Variants in SPATA18 observed in about 807,000 individuals in gnomAD.
The protein encoded by SPATA18 is mitochondria-eating protein.
Under a neutral mutation model 68.1 loss-of-function variants are expected in SPATA18, and 54 were observed. The observed-to-expected ratio is 0.79, with a 90% CI of 0.64 to 0.99. The LOEUF is 0.99. SPATA18 is among the 50% of genes least tolerant of loss of function. The pLI, the probability that SPATA18 is intolerant of heterozygous loss-of-function variation, is 0.00. For missense variants in SPATA18, 724 were observed against 681.1 expected (o/e 1.06, Z -0.70); for synonymous variants, 242 against 244.8 (o/e 0.99, Z 0.11).
chr4:52,083,633 T>C (rs1741142850), intron 10 of SPATA18: 2 of 275,876 alleles, frequency 7.2e-6, no homozygotes, highest in Admixed American at 6.5e-5. Flanking sequence ...TAGTACCAGC[T>C]ACTTGGGAGG....
intron 5 of SPATA18, among the ~76,000 whole-genome samples, chr4:52,070,595 T>C (rs975690451): frequency 2.0e-5 from 3 of 151,956 alleles, no homozygotes; most frequent in Admixed American, 2.0e-4. Flanking sequence ...AATGACGAGT[T>C]AATGGGTGCA....
At chr4:52,058,342 T>C (rs1738532606) in intron 1 of SPATA18, among the ~76,000 whole-genome samples, 1 of 151,998 alleles carries the variant, frequency 6.6e-6, no homozygotes, top group African/African-American at 2.4e-5. Flanking sequence ...AAAAAATGGC[T>C]GCAGGAGAAA....
intron 6 of SPATA18, among the ~76,000 whole-genome samples, chr4:52,073,534 G>A (rs375691149): frequency 5.3e-5 from 8 of 152,288 alleles, no homozygotes; most frequent in East Asian, 3.9e-4. Flanking sequence ...TACTTGGGAG[G>A]TTGTGGTGGG....
chr4:52,093,979 G>T (rs966184902), intron 11 of SPATA18, among the ~76,000 whole-genome samples: 1 of 152,144 alleles, frequency 6.6e-6, no homozygotes, highest in African/African-American at 2.4e-5. Context: ...CATCCAGAAT[G>T]GATTCCATCT....
In SPATA18 at chr4:52,060,302, T is replaced by C. The variant is rs1435262921; in HGVS notation, c.88-117T>C. On this transcript the variant is annotated intron_variant, in intron 1 of 12. Coordinates refer to ENST00000295213, the MANE Select transcript of SPATA18 (RefSeq NM_145263.4). ...GGTTTTGGTGACTACACAGCAGTCC[T>C]GCCACAAAAGCATACCAGAGCCAGG... The C allele has an allele frequency of 5.5e-6, 4 of 721,536 alleles. No individual in the cohort carries two copies. In the African/African-American group the frequency reaches 7.1e-5, roughly 13 times the overall value. 44.7% of individuals were successfully genotyped at this position (721,536 alleles called of 1,614,324 possible). A position where few individuals can be genotyped will look rare whatever the true frequency, so the allele number is the denominator to read the frequency against.
chr4:52,082,854 T>G, intron 10 of SPATA18: 1 of 985,374 alleles, frequency 1.0e-6, no homozygotes, highest in Non-Finnish European at 1.2e-6. Context: ...GCACTTAAAA[T>G]CAATTAACTC....
chr4:52,080,167 T>A (rs1740799646), intron 9 of SPATA18, among the ~76,000 whole-genome samples: 1 of 152,214 alleles, frequency 6.6e-6, no homozygotes, highest in Non-Finnish European at 1.5e-5. Flanking sequence ...AACACTTTTT[T>A]AAAGATGCTC....
At chr4:52,070,495 T>C (rs1266426606) in intron 5 of SPATA18, among the ~76,000 whole-genome samples, 4 of 144,124 alleles carry the variant, frequency 2.8e-5, no homozygotes, top group African/African-American at 1.0e-4. Flanking sequence ...TTTAAAGTTA[T>C]ACCTTCCTGA....
intron 11 of SPATA18, among the ~76,000 whole-genome samples, chr4:52,092,133 T>C (rs1317110528): frequency 6.6e-6 from 1 of 152,200 alleles, no homozygotes; most frequent in African/African-American, 2.4e-5. Flanking sequence ...GGATCTTAGT[T>C]TCCTGGGCTC....
chr4:52,063,884 A>C (rs143766005), intron 4 of SPATA18, among the ~76,000 whole-genome samples: 7 of 152,206 alleles, frequency 4.6e-5, no homozygotes, highest in Admixed American at 2.6e-4. Context: ...ACGGCTGCAG[A>C]TGACCCTCCA....
rs761549752 is a variant in SPATA18, at chr4:52,060,422, A to T, written c.91A>T (p.Asn31Tyr). ...ATCTACTGTTTTGCCCTTGCAGACA[A>T]ACACGTGTGATCAAAATCTAAACCA... Reference protein sequence around the residue: ...LDFWLKEYNTNTCDQNLNHCL... With the variant: ...LDFWLKEYNTYTCDQNLNHCL... The change falls in exon 2 of 13, where the codon AAC becomes TAC. Residue 31 changes from asparagine (N) to tyrosine (Y), a missense_variant. Transcript: ENST00000295213. The T allele has an allele frequency of 2.5e-6, 4 of 1,613,778 alleles. No individual in the cohort carries two copies. In the Admixed American group the frequency reaches 6.7e-5, roughly 27 times the overall value.
intron 11 of SPATA18, among the ~76,000 whole-genome samples, chr4:52,091,668 C>T (rs890106694): frequency 2.0e-5 from 3 of 152,172 alleles, no homozygotes; most frequent in Non-Finnish European, 4.4e-5. Context: ...GGGGCACCTG[C>T]CAGATGCCAG....
chr4:52,090,767 G>T (rs1192753203), intron 11 of SPATA18, among the ~76,000 whole-genome samples: 1 of 151,900 alleles, frequency 6.6e-6, no homozygotes, highest in Non-Finnish European at 1.5e-5. Flanking sequence ...ATGTGTCTTG[G>T]GGTTGCTCTT....
Position 52,060,462 on chromosome 4 carries a change from T to C in SPATA18, c.131T>C (p.Ile44Thr). 1.9e-6 allele frequency: 3 copies of C among 1,614,066 alleles called. No individual in the cohort carries two copies. The highest frequency in any genetic ancestry group is 1.1e-5 in the South Asian group (1 of 91,080). ...AATCTAAACCATTGCCTTGAACTCA[T>C]TGAGCAAGTTGCCAAGGTGCAGGGA... ...DQNLNHCLEL[I>T]EQVAKVQGQL... Residue 44 changes from isoleucine to threonine, a missense_variant, in exon 2 of 13, where the codon ATT (isoleucine) becomes ACT (threonine). Ile to Thr is a moderately conservative substitution (Grantham distance 89, BLOSUM62 -1). Coordinates refer to ENST00000295213, the MANE Select transcript of SPATA18 (RefSeq NM_145263.4).
At chr4:52,066,699 C>A (rs935000741) in intron 4 of SPATA18, among the ~76,000 whole-genome samples, 1 of 151,464 alleles carries the variant, frequency 6.6e-6, no homozygotes, top group Non-Finnish European at 1.5e-5. Context: ...GTTCCCCTCC[C>A]TGTGTCCCTG....
intron 10 of SPATA18, among the ~76,000 whole-genome samples, chr4:52,083,992 G>A (rs1741183346): frequency 6.7e-6 from 1 of 149,988 alleles, no homozygotes; most frequent in African/African-American, 2.5e-5. Flanking sequence ...ACCCACCTCA[G>A]CATCCCAAAG....
At chr4:52,064,014 A>G (rs552385041) in intron 4 of SPATA18, among the ~76,000 whole-genome samples, 2 of 152,288 alleles carry the variant, frequency 1.3e-5, no homozygotes, top group South Asian at 2.1e-4. Flanking sequence ...GTTGTTACCT[A>G]TAAGGGGTAC....
chr4:52,088,191 T>C (rs1741601049), intron 11 of SPATA18, among the ~76,000 whole-genome samples: 1 of 152,198 alleles, frequency 6.6e-6, no homozygotes, highest in Non-Finnish European at 1.5e-5. Context: ...TGCGGTTTTC[T>C]AAATATACAA....
intron 11 of SPATA18, among the ~76,000 whole-genome samples, chr4:52,092,848 A>G (rs1226445466): frequency 1.3e-5 from 2 of 152,216 alleles, no homozygotes; most frequent in East Asian, 3.8e-4. Context: ...CTTTGCAGGA[A>G]CATGGATGGA....
Sources: allele counts gnomAD v4.1 joint callset (sites outside exome capture counted in the v4.1 genomes callset), GRCh38; gene constraint gnomAD v4.1.1; transcripts MANE v1.5; gene names NCBI Gene and HGNC (gene_info 2026-07-23, HGNC 2026-07-21).